Variants in RPSA2 observed in about 807,000 individuals in gnomAD.
The protein encoded by RPSA2 is ribosomal protein SA 2.
chr19:23,818,168 T>C, the RPSA2 span: 35 of 152,328 alleles, frequency 2.3e-4, no homozygotes, highest in African/African-American at 8.2e-4. Context: ...AAGGCTGATA[T>C]TTAGTTAGGG....
the RPSA2 span, among the ~76,000 whole-genome samples, chr19:23,765,938 T>C: frequency 6.7e-6 from 1 of 149,718 alleles, no homozygotes. Flanking sequence ...GATAGGTGTG[T>C]AAAAAATTAA....
At chr19:23,817,776 AAC>A in the RPSA2 span, 4 of 152,256 alleles carry the variant, frequency 2.6e-5, no homozygotes, top group African/African-American at 7.2e-5. Flanking sequence ...CAGTTAATCA[AAC>A]AGTGACAGGT....
At chr19:23,833,272 T>C in the RPSA2 span, 1 of 845,324 alleles carries the variant, frequency 1.2e-6, no homozygotes, top group Non-Finnish European at 1.5e-6. Flanking sequence ...TTAATGCACA[T>C]AAGATAACTT....
the RPSA2 span, among the ~76,000 whole-genome samples, chr19:23,760,670 T>TATA: frequency 4.5e-4 from 33 of 73,316 alleles, no homozygotes; most frequent in East Asian, 1.4e-3. Context: ...TATATATATA[T>TATA]TTTTTTTTTT....
chr19:23,768,980 G>A, the RPSA2 span, among the ~76,000 whole-genome samples: 1 of 152,324 alleles, frequency 6.6e-6, no homozygotes, highest in East Asian at 1.9e-4. Context: ...CCAAGGTGAT[G>A]TAACTCTCCT....
the RPSA2 span, among the ~76,000 whole-genome samples, chr19:23,786,002 T>A: frequency 0.057 from 8,708 of 152,270 alleles, 275 homozygotes; most frequent in Non-Finnish European, 0.065. Flanking sequence ...ATTGTTAGAA[T>A]TGTCACCATA....
At chr19:23,824,988 TG>T in the RPSA2 span, among the ~76,000 whole-genome samples, 1 of 152,074 alleles carries the variant, frequency 6.6e-6, no homozygotes, top group Admixed American at 6.6e-5. Context: ...TTTTTGTTTT[TG>T]TTTTTTTTGA....
chr19:23,812,539 G>C, the RPSA2 span, among the ~76,000 whole-genome samples: 8 of 152,008 alleles, frequency 5.3e-5, no homozygotes, highest in African/African-American at 1.7e-4. Context: ...GGGATTACAG[G>C]CATGTGCCAC....
the RPSA2 span, among the ~76,000 whole-genome samples, chr19:23,811,412 T>A: frequency 1.3e-5 from 2 of 152,190 alleles, no homozygotes; most frequent in Non-Finnish European, 2.9e-5. Flanking sequence ...CATGTAGCTG[T>A]CATTACTGGT....
the RPSA2 span, among the ~76,000 whole-genome samples, chr19:23,848,993 T>A: frequency 6.6e-6 from 1 of 152,360 alleles, no homozygotes; most frequent in East Asian, 1.9e-4. Flanking sequence ...TTAAATATAC[T>A]GAGGGGGAAG....
At chr19:23,789,342 G>A in the RPSA2 span, among the ~76,000 whole-genome samples, 1 of 152,082 alleles carries the variant, frequency 6.6e-6, no homozygotes, top group African/African-American at 2.4e-5. Context: ...AGATTTTAAT[G>A]CATCCCTGAC....
chr19:23,869,610 G>T, the RPSA2 span, among the ~76,000 whole-genome samples: 3 of 152,156 alleles, frequency 2.0e-5, no homozygotes, highest in Admixed American at 6.5e-5. Context: ...ACTGCCATTG[G>T]TGGCAAGCTT....
the RPSA2 span, among the ~76,000 whole-genome samples, chr19:23,804,357 C>T: frequency 6.9e-6 from 1 of 144,488 alleles, no homozygotes; most frequent in Non-Finnish European, 1.5e-5. Flanking sequence ...AGTGCGGTGG[C>T]GCCATTTCGG....
At chr19:23,849,103 T>C in the RPSA2 span, among the ~76,000 whole-genome samples, 1 of 152,242 alleles carries the variant, frequency 6.6e-6, no homozygotes, top group Non-Finnish European at 1.5e-5. Flanking sequence ...TTAATACAAG[T>C]GTATAAATGA....
At chr19:23,790,468 G>A in the RPSA2 span, among the ~76,000 whole-genome samples, 4 of 152,140 alleles carry the variant, frequency 2.6e-5, no homozygotes, top group South Asian at 8.3e-4. Flanking sequence ...AACTTAGGCT[G>A]TCTCTCTTGT....
chr19:23,831,485 A>C, the RPSA2 span: 1 of 152,596 alleles, frequency 6.6e-6, no homozygotes, highest in Admixed American at 6.5e-5. Flanking sequence ...GGTATTTTGC[A>C]ATGCCCTCTT....
the RPSA2 span, among the ~76,000 whole-genome samples, chr19:23,852,362 ACAC>A: frequency 1.3e-5 from 2 of 152,074 alleles, no homozygotes; most frequent in African/African-American, 4.8e-5. Flanking sequence ...ACACACACAC[ACAC>A]AAATATAGAG....
the RPSA2 span, among the ~76,000 whole-genome samples, chr19:23,858,823 T>C: frequency 6.6e-6 from 1 of 152,128 alleles, no homozygotes. Context: ...AAGATTAGGG[T>C]GGGGCAGCCA....
the RPSA2 span, among the ~76,000 whole-genome samples, chr19:23,848,561 ATTTAG>A: frequency 6.6e-6 from 1 of 152,216 alleles, no homozygotes; most frequent in African/African-American, 2.4e-5. Context: ...TGTTTCTTTA[ATTTAG>A]TTATGTCCAA....
Sources: gnomAD v4.1 joint callset for allele counts (sites outside exome capture counted in the v4.1 genomes callset) on GRCh38, gnomAD v4.1.1 for gene constraint, MANE v1.5 for transcripts, NCBI Gene and HGNC (gene_info 2026-07-23, HGNC 2026-07-21) for gene names.